The following CBFA2T2 variants were observed in gnomAD, a reference collection of about 807,000 sequenced individuals.
The protein encoded by CBFA2T2 is CBFA2/RUNX1 partner transcriptional co-repressor 2, also known as protein CBFA2T2.
Under a neutral mutation model 62.2 loss-of-function variants are expected in CBFA2T2, and 11 were observed. The ratio of observed to expected loss-of-function variants is 0.18; its 90% CI spans 0.11 to 0.29. CBFA2T2 has a LOEUF of 0.29. CBFA2T2 is among the 10% of genes least tolerant of loss of function. The pLI is 1.00. For missense variants in CBFA2T2, 592 were observed against 774.1 expected (o/e 0.76, Z 2.79); for synonymous variants, 295 against 287.5 (o/e 1.03, Z -0.27).
chr20:33,523,292 T>A (rs1191424000), intron 1 of CBFA2T2, among the ~76,000 whole-genome samples: 2 of 152,098 alleles, frequency 1.3e-5, no homozygotes, highest in African/African-American at 2.4e-5. Context: ...TATTTTTTTT[T>A]ATATTTTGAG....
chr20:33,588,396 A>G (rs1255082786), intron 1 of CBFA2T2, among the ~76,000 whole-genome samples: 2 of 151,286 alleles, frequency 1.3e-5, no homozygotes, highest in Non-Finnish European at 2.9e-5. Flanking sequence ...CAACAAATGA[A>G]TAATGAACAA....
At chr20:33,552,607 G>A (rs2012769813) in intron 1 of CBFA2T2, among the ~76,000 whole-genome samples, 1 of 152,218 alleles carries the variant, frequency 6.6e-6, no homozygotes, top group African/African-American at 2.4e-5. Context: ...GGATGTGAAG[G>A]TGAATAAGAC....
Position 33,646,702 on chromosome 20 carries a change from AAT to A in CBFA2T2, c.*2058_*2059del, listed in dbSNP as rs1030414443. On this transcript the variant is annotated 3_prime_UTR_variant, in exon 11 of 11. Coordinates refer to ENST00000342704, the MANE Select transcript of CBFA2T2 (RefSeq NM_001032999.3). The stretch of plus-strand genomic sequence containing the variant: ...GAAACCCTGTCTCTAATAAAAAAAA[AAT>A]AGAAAAATCAGCCGGGTGTGGTGGC... The A allele has an allele frequency of 2.6e-5, 4 of 151,944 alleles. No individual in the cohort carries two copies. The highest frequency in any genetic ancestry group is 9.7e-5 in the African/African-American group (4 of 41,354). 9.4% of individuals were successfully genotyped at this position (151,944 alleles called of 1,614,324 possible).
chr20:33,498,288 C>T (rs1237193256), intron 1 of CBFA2T2, among the ~76,000 whole-genome samples: 1 of 150,948 alleles, frequency 6.6e-6, no homozygotes, highest in African/African-American at 2.4e-5. Context: ...CTTTTGTTGC[C>T]CAGGCTGGAG....
rs1478560749 is a variant in CBFA2T2, at chr20:33,645,576, C to G, written c.*930C>G. ...GTGTCCTTTTATCTCTCAGACCACACACATCTGGAACGCTGTGGGCATCTT... is the reference window on the plus strand; with the variant it reads ...GTGTCCTTTTATCTCTCAGACCACAGACATCTGGAACGCTGTGGGCATCTT... On this transcript the variant is annotated 3_prime_UTR_variant, in exon 11 of 11. Coordinates refer to ENST00000342704, the MANE Select transcript of CBFA2T2 (RefSeq NM_001032999.3). 1 of 152,196 alleles carries G rather than the reference C, an allele frequency of 6.6e-6. No homozygotes were observed. The highest frequency in any genetic ancestry group is 1.5e-5 in the Non-Finnish European group (1 of 68,032). The allele number at this position is 152,196 out of a possible 1,614,324, so 9.4% of individuals were successfully genotyped here.
chr20:33,615,324 C>T (rs1401931221), intron 3 of CBFA2T2, among the ~76,000 whole-genome samples: 1 of 152,164 alleles, frequency 6.6e-6, no homozygotes, highest in East Asian at 1.9e-4. Flanking sequence ...TTGTGCTTCA[C>T]TTACTTATTA....
At chr20:33,633,473 A>G (rs1292837140) in intron 8 of CBFA2T2, among the ~76,000 whole-genome samples, 1 of 152,200 alleles carries the variant, frequency 6.6e-6, no homozygotes, top group Non-Finnish European at 1.5e-5. Context: ...TGATTTGGAG[A>G]GAAATTGACT....
chr20:33,606,735 C>T (rs1310705217), intron 1 of CBFA2T2, among the ~76,000 whole-genome samples: 1 of 152,100 alleles, frequency 6.6e-6, no homozygotes, highest in African/African-American at 2.4e-5. Context: ...ATCTCATCCT[C>T]TCAAGATTTT....
chr20:33,537,862 G>A (rs1386919499), intron 1 of CBFA2T2, among the ~76,000 whole-genome samples: 3 of 151,922 alleles, frequency 2.0e-5, no homozygotes, highest in African/African-American at 7.2e-5. Flanking sequence ...TTATCTTTAT[G>A]CCTGTACCAC....
chr20:33,624,789 G>A lies in CBFA2T2; in HGVS notation c.718G>A (p.Asp240Asn). 6.2e-7 allele frequency: 1 copy of A among 1,614,156 alleles called. No homozygotes were observed. Among genetic ancestry groups the A allele is most frequent in the Non-Finnish European group, 8.5e-7 (1 of 1,180,028 alleles). ...ERREENSFDR[D>N]TIAPEPPAKR... The stretch of plus-strand genomic sequence containing the variant: ...GAGAGAAGAGAATAGTTTTGATAGA[G>A]ACACAATTGCTCCTGAGCCTCCTGC... Residue 240 changes from aspartate to asparagine, a missense_variant, in exon 6 of 11, where the codon GAC becomes AAC. Transcript: ENST00000342704.
intron 1 of CBFA2T2, among the ~76,000 whole-genome samples, chr20:33,596,306 A>G (rs1236394204): frequency 1.3e-5 from 2 of 152,232 alleles, no homozygotes; most frequent in Admixed American, 6.5e-5. Flanking sequence ...GTTACACATA[A>G]TATACTTGTT....
chr20:33,641,458 A>G (rs770558321), intron 10 of CBFA2T2, among the ~76,000 whole-genome samples: 1 of 152,254 alleles, frequency 6.6e-6, no homozygotes, highest in Non-Finnish European at 1.5e-5. Flanking sequence ...ACATGAGAAC[A>G]GCCCTTTTGA....
At chr20:33,528,426 C>A (rs915343839) in intron 1 of CBFA2T2, among the ~76,000 whole-genome samples, 1 of 152,140 alleles carries the variant, frequency 6.6e-6, no homozygotes, top group African/African-American at 2.4e-5. Flanking sequence ...TCAACATGAC[C>A]TAGAGAAGAG....
intron 3 of CBFA2T2, among the ~76,000 whole-genome samples, chr20:33,618,097 C>T (rs1386530389): frequency 6.6e-6 from 1 of 151,962 alleles, no homozygotes; most frequent in East Asian, 1.9e-4. Context: ...GCTCTACCCC[C>T]TCCCTGCATA....
chr20:33,625,004 A>G lies in CBFA2T2; in HGVS notation c.933A>G (p.Arg311=). 6.2e-7 allele frequency: 1 copy of G among 1,613,788 alleles called. No individual in the cohort carries two copies. Among genetic ancestry groups the G allele is most frequent in the Non-Finnish European group, 8.5e-7 (1 of 1,179,772 alleles). Reference sequence around the variant, plus strand: ...TAGAGCATCGAGAAGTTCGTGATAGACACCACAGTCTTGGTAAGCAACCGA... The same window carrying G: ...TAGAGCATCGAGAAGTTCGTGATAGGCACCACAGTCTTGGTAAGCAACCGA... The part of the protein sequence containing the change: ...KMLEHREVRD[R]HHSLGLNGGY... The change falls in exon 6 of 11, where the codon AGA becomes AGG. Residue 311 remains arginine (R), a synonymous_variant. Coordinates refer to ENST00000342704, the MANE Select transcript of CBFA2T2 (RefSeq NM_001032999.3).
intron 1 of CBFA2T2, among the ~76,000 whole-genome samples, chr20:33,558,824 G>GC (rs1555835154): frequency 1.3e-3 from 180 of 136,730 alleles, no homozygotes; most frequent in African/African-American, 5.5e-3. Context: ...CCAACTGTTT[G>GC]GGGGGGCGGC....
intron 1 of CBFA2T2, among the ~76,000 whole-genome samples, chr20:33,574,433 C>T (rs963236017): frequency 6.6e-6 from 1 of 152,124 alleles, no homozygotes; most frequent in Non-Finnish European, 1.5e-5. Context: ...CCAGACCAGC[C>T]TGACCAACAT....
intron 1 of CBFA2T2, among the ~76,000 whole-genome samples, chr20:33,557,281 G>A (rs2012928290): frequency 6.6e-6 from 1 of 152,030 alleles, no homozygotes; most frequent in South Asian, 2.1e-4. Context: ...CCAAAGTGCT[G>A]GGATTACAGG....
intron 1 of CBFA2T2, among the ~76,000 whole-genome samples, chr20:33,494,552 A>T (rs2011180028): frequency 6.6e-6 from 1 of 151,276 alleles, no homozygotes; most frequent in Non-Finnish European, 1.5e-5. Flanking sequence ...AAGTGCTGGG[A>T]TTACAGGCAT....
Sources: allele counts gnomAD v4.1 joint callset (sites outside exome capture counted in the v4.1 genomes callset), GRCh38; gene constraint gnomAD v4.1.1; transcripts MANE v1.5; gene names NCBI Gene and HGNC (gene_info 2026-07-23, HGNC 2026-07-21).